NR3C2: variants seen among roughly 807,000 people sequenced by gnomAD.
NR3C2 encodes the protein mineralocorticoid receptor.
NR3C2 carries 15 observed loss-of-function variants against 86.4 expected under a neutral mutation model. The observed-to-expected ratio is 0.17, with a 90% CI of 0.12 to 0.27. NR3C2 has a LOEUF of 0.27. Ranked by LOEUF, NR3C2 falls within the 10% of genes least tolerant of loss-of-function variation. NR3C2 has a pLI of 1.00. For synonymous variants in NR3C2, 458 were observed against 450.5 expected (o/e 1.02, Z -0.21); for missense variants, 960 against 1,195.6 (o/e 0.80, Z 2.91).
chr4:148,389,439 A>C (rs1210602143), intron 2 of NR3C2, among the ~76,000 whole-genome samples: 2 of 152,160 alleles, frequency 1.3e-5, no homozygotes, highest in African/African-American at 4.8e-5. Context: ...AATTTGGAAA[A>C]TTTACCGTCT....
rs138667209 is a variant in NR3C2, at chr4:148,398,983, A to C, written c.1757+36121T>G. Among the ~76,000 whole-genome samples the C allele has an allele frequency of 8.7e-3, 1,327 of 152,314 alleles. 38 individuals carry two copies. Among genetic ancestry groups the C allele is most frequent in the East Asian group, 0.06 (312 of 5,188 alleles). On this transcript the variant is annotated intron_variant, in intron 2 of 8. Transcript: ENST00000358102. Reference sequence around the variant, plus strand: ...AGGAAGAAGCAAAGCAGTCATAAAAACACTGGAAGAATATTTTAGGAAAAG... The same window carrying C: ...AGGAAGAAGCAAAGCAGTCATAAAACCACTGGAAGAATATTTTAGGAAAAG...
chr4:148,160,480 T>C (rs1734607016), intron 4 of NR3C2, among the ~76,000 whole-genome samples: 5 of 152,182 alleles, frequency 3.3e-5, no homozygotes, highest in African/African-American at 1.2e-4. Context: ...ACTAGGACTT[T>C]CACCACGTAA....
intron 3 of NR3C2, among the ~76,000 whole-genome samples, chr4:148,214,602 G>A (rs1164118381): frequency 2.6e-5 from 4 of 152,136 alleles, no homozygotes; most frequent in East Asian, 1.9e-4. Context: ...TACCTGAGCC[G>A]CATCTAGGAA....
At chr4:148,400,040 T>C (rs961582147) in intron 2 of NR3C2, among the ~76,000 whole-genome samples, 4 of 152,264 alleles carry the variant, frequency 2.6e-5, no homozygotes, top group Admixed American at 2.6e-4. Flanking sequence ...TTTTAAGCCA[T>C]ACAATTTAAA....
At chr4:148,094,671 C>T (rs1348195464) in intron 8 of NR3C2, among the ~76,000 whole-genome samples, 3 of 150,848 alleles carry the variant, frequency 2.0e-5, no homozygotes, top group Non-Finnish European at 3.0e-5. Context: ...GCCGAGATTG[C>T]GCCACTGCAC....
rs2149699739 is a variant in NR3C2, at chr4:148,079,298, C to T, written c.*2046G>A. The stretch of plus-strand genomic sequence containing the variant: ...TAAAGATCTGCCTATAAATTAAATT[C>T]CTGAAATTGCAAATTATGTAAGAAA... On this transcript the variant is annotated 3_prime_UTR_variant, in exon 9 of 9. Transcript: ENST00000358102. 1 of 152,280 alleles carries T rather than the reference C, an allele frequency of 6.6e-6. No individual in the cohort carries two copies. Among genetic ancestry groups the T allele is most frequent in the South Asian group, 2.1e-4 (1 of 4,820 alleles). 9.4% of individuals were successfully genotyped at this position (152,280 alleles called of 1,614,324 possible).
chr4:148,128,459 A>G (rs1391446261), intron 6 of NR3C2, among the ~76,000 whole-genome samples: 2 of 152,272 alleles, frequency 1.3e-5, no homozygotes, highest in Non-Finnish European at 2.9e-5. Flanking sequence ...CCAAACTACA[A>G]AGCATTCCAG....
chr4:148,340,764 C>T (rs902925881), intron 2 of NR3C2, among the ~76,000 whole-genome samples: 4 of 152,016 alleles, frequency 2.6e-5, no homozygotes, highest in African/African-American at 9.7e-5. Context: ...GGAACTCAAA[C>T]AAATAAATTT....
At chr4:148,357,273 A>C (rs1157327084) in intron 2 of NR3C2, among the ~76,000 whole-genome samples, 1 of 152,158 alleles carries the variant, frequency 6.6e-6, no homozygotes, top group Non-Finnish European at 1.5e-5. Context: ...CAAACCTTTA[A>C]AATTAGAATC....
At chr4:148,130,205 G>C (rs1732953837) in intron 6 of NR3C2, among the ~76,000 whole-genome samples, 1 of 152,254 alleles carries the variant, frequency 6.6e-6, no homozygotes, top group South Asian at 2.1e-4. Context: ...GTACCCTAAA[G>C]GGGAAGAAAA....
chr4:148,112,192 T>C (rs1732075977), intron 8 of NR3C2, among the ~76,000 whole-genome samples: 1 of 152,168 alleles, frequency 6.6e-6, no homozygotes, highest in Non-Finnish European at 1.5e-5. Flanking sequence ...GTTTCCATTG[T>C]GCTATGCTGC....
intron 7 of NR3C2, among the ~76,000 whole-genome samples, chr4:148,116,157 GAATA>G (rs1209359129): frequency 6.6e-6 from 1 of 152,132 alleles, no homozygotes; most frequent in Non-Finnish European, 1.5e-5. Context: ...ACTAGTGGTA[GAATA>G]AATAAGTTTC....
intron 3 of NR3C2, among the ~76,000 whole-genome samples, chr4:148,200,867 T>C (rs1025856489): frequency 6.6e-6 from 1 of 152,206 alleles, no homozygotes; most frequent in Non-Finnish European, 1.5e-5. Flanking sequence ...CTAGTCTACC[T>C]GCCTCTACTA....
intron 6 of NR3C2, among the ~76,000 whole-genome samples, chr4:148,134,464 A>C (rs1733182431): frequency 6.6e-6 from 1 of 152,106 alleles, no homozygotes; most frequent in African/African-American, 2.4e-5. Flanking sequence ...ACATTTTCTA[A>C]CCTTCTCCTC....
chr4:148,394,626 A>C (rs1030843969), intron 2 of NR3C2, among the ~76,000 whole-genome samples: 20 of 152,178 alleles, frequency 1.3e-4, no homozygotes, highest in African/African-American at 4.8e-4. Context: ...TGGGAGGTCA[A>C]GGTTGCAGTG....
chr4:148,216,153 A>C (rs924235684), intron 3 of NR3C2, among the ~76,000 whole-genome samples: 4 of 152,154 alleles, frequency 2.6e-5, no homozygotes, highest in Admixed American at 2.6e-4. Context: ...TGTTCCAATA[A>C]AACTTTATTT....
At chr4:148,104,325 T>TTG in intron 8 of NR3C2, among the ~76,000 whole-genome samples, 1 of 119,338 alleles carries the variant, frequency 8.4e-6, no homozygotes, top group Admixed American at 8.1e-5. Flanking sequence ...TTGTTTGTTT[T>TTG]TTTGTGTTTT....
chr4:148,085,432 C>A (rs1214568879), intron 8 of NR3C2, among the ~76,000 whole-genome samples: 1 of 152,092 alleles, frequency 6.6e-6, no homozygotes, highest in Non-Finnish European at 1.5e-5. Context: ...TAAATAAGTT[C>A]TTTGAAACCA....
intron 2 of NR3C2, among the ~76,000 whole-genome samples, chr4:148,370,367 CA>C (rs1746354376): frequency 6.6e-6 from 1 of 151,930 alleles, no homozygotes; most frequent in African/African-American, 2.4e-5. Context: ...TAGGATAATT[CA>C]ACAGTAAAAA....
Sources: allele counts gnomAD v4.1 joint callset (sites outside exome capture counted in the v4.1 genomes callset), GRCh38; gene constraint gnomAD v4.1.1; transcripts MANE v1.5; gene names NCBI Gene and HGNC (gene_info 2026-07-23, HGNC 2026-07-21).